MIA3: variants seen among roughly 807,000 people sequenced by gnomAD.
MIA3 encodes MIA SH3 domain ER export factor 3.
A neutral mutation model predicts 192.4 loss-of-function variants in MIA3; 90 were observed. The ratio of observed to expected loss-of-function variants is 0.47; its 90% CI spans 0.39 to 0.56. The LOEUF (loss-of-function observed/expected upper bound fraction) is 0.56. Among genes scored for constraint, MIA3 ranks in the 20% least tolerant of loss-of-function variants. The pLI, the probability that MIA3 is intolerant of heterozygous loss-of-function variation, is 0.00. For synonymous variants in MIA3, 740 were observed against 792.8 expected, an observed-to-expected ratio of 0.93 and a Z score of 1.12; for missense variants, 2,123 against 2,269.4, an observed-to-expected ratio of 0.94 and a Z score of 1.31.
intron 27 of MIA3, 39 bp from the exon 28 acceptor site, chr1:222,665,270 G>A (rs905505337): frequency 1.3e-5 from 17 of 1,344,646 alleles, no homozygotes; most frequent in African/African-American, 6.0e-5. Flanking sequence ...ATTTAAATAC[G>A]TTCCTAGGAA....
chr1:222,646,209 A>C (rs1663132661), intron 7 of MIA3: 3 of 152,486 alleles, frequency 2.0e-5, no homozygotes, highest in African/African-American at 7.2e-5. Context: ...TGAGGCCAGG[A>C]GTTCGAGACC....
chr1:222,650,744 A>G, intron 10 of MIA3, 33 bp downstream of exon 10: 1 of 1,565,386 alleles, frequency 6.4e-7, no homozygotes, highest in East Asian at 2.2e-5. Flanking sequence ...ACATTTTAAA[A>G]CAAAAGTAAA....
intron 24 of MIA3, among the ~76,000 whole-genome samples, chr1:222,661,680 A>G (rs962716717): frequency 7.9e-5 from 12 of 152,206 alleles, no homozygotes; most frequent in African/African-American, 2.9e-4. Context: ...TCCACTTGTC[A>G]TTACTATATA....
Position 222,650,627 on chromosome 1 carries a change from T to C in MIA3, c.3721-7T>C, listed in dbSNP as rs964308151. ...TTTCTGGATTCTGAATGCTTTATTT[T>C]ATATAGATCAAGGAATCAAAGAAAC... On this transcript the variant is annotated splice_polypyrimidine_tract_variant and splice_region_variant and intron_variant, in intron 9 of 27. Transcript: ENST00000344922. The C allele has an allele frequency of 1.3e-6, 2 of 1,551,146 alleles. No individual in the cohort carries two copies. Among genetic ancestry groups the C allele is most frequent in the Non-Finnish European group, 1.8e-6 (2 of 1,135,298 alleles).
chr1:222,635,579 T>C lies in MIA3; in HGVS notation c.3477+2330T>C, dbSNP rs146787010. Among the ~76,000 whole-genome samples the C allele has an allele frequency of 2.3e-3, 356 of 152,290 alleles. 4 individuals are homozygous for C. Among genetic ancestry groups the C allele is most frequent in the African/African-American group, 8.0e-3 (333 of 41,548 alleles). On this transcript the variant is annotated intron_variant, in intron 6 of 27. Coordinates refer to ENST00000344922, the MANE Select transcript of MIA3 (RefSeq NM_198551.4). ...TCAAAAAAAGTTTACCAAATACATG[T>C]GAAAATTGGAGAAAGTGGAGAATAT...
chr1:222,665,470 C>T lies in MIA3; in HGVS notation c.5575C>T (p.Arg1859Ter), dbSNP rs1664235876. Reference sequence around the variant, plus strand: ...AAGAGAGTACTTTATTCCTGGTACCCGATTACCACCCCCAACCCATGGTCC... The same window carrying T: ...AAGAGAGTACTTTATTCCTGGTACCTGATTACCACCCCCAACCCATGGTCC... ...GPREYFIPGT[R>*]LPPPTHGPQE... Residue 1859 changes from arginine to a stop codon, truncating the protein, a stop_gained, in exon 28 of 28, where the codon CGA (arginine) becomes TGA (stop). Transcript: ENST00000344922. LOFTEE classifies it low-confidence loss of function (END_TRUNC). The T allele has an allele frequency of 1.2e-6, 2 of 1,613,960 alleles. No individual in the cohort carries two copies. Among genetic ancestry groups the T allele is most frequent in the Non-Finnish European group, 1.7e-6 (2 of 1,179,986 alleles).
intron 18 of MIA3, 167 bp from the exon 19 acceptor site, chr1:222,658,555 C>T: frequency 2.1e-6 from 1 of 474,196 alleles, no homozygotes; most frequent in Non-Finnish European, 3.9e-6. Context: ...ATCAACAGGC[C>T]ACAGTTGGAT....
In MIA3 at chr1:222,630,890, G is replaced by A. The variant is rs139342960; in HGVS notation, c.3169+501G>A. Reference sequence around the variant, plus strand: ...CAGTTAAACCCTCCTGGGCCGTAAGGTTCTTGCATGCAGATTAATCAAGAT... The same window carrying A: ...CAGTTAAACCCTCCTGGGCCGTAAGATTCTTGCATGCAGATTAATCAAGAT... On this transcript the variant is annotated intron_variant, in intron 4 of 27. Transcript: ENST00000344922. Among the ~76,000 whole-genome samples the A allele has an allele frequency of 7.7e-4, 117 of 152,210 alleles. 1 individual carries two copies. In the East Asian group the frequency reaches 0.021, roughly 27 times the overall value.
At chr1:222,664,286 A>G in intron 27 of MIA3, 138 bp downstream of exon 27, 1 of 862,574 alleles carries the variant, frequency 1.2e-6, no homozygotes, top group Non-Finnish European at 1.8e-6. Context: ...ACTTTTCCCC[A>G]AGTTTCTTCA....
rs745948423 is a variant in MIA3, at chr1:222,628,968, T to C, written c.1748T>C (p.Met583Thr). The C allele has an allele frequency of 1.1e-5, 17 of 1,614,056 alleles. No homozygotes were observed. Among genetic ancestry groups the C allele is most frequent in the African/African-American group, 1.3e-5 (1 of 74,926 alleles). ...QQESLGSAPLMGDDHPNASRD... is the reference protein window; with the variant it reads ...QQESLGSAPLTGDDHPNASRD... ...GAATCCCTGGGTAGTGCACCACTCA[T>C]GGGAGATGACCACCCTAACGCATCC... Residue 583 changes from methionine to threonine, a missense_variant, in exon 4 of 28, where the codon ATG (methionine) becomes ACG (threonine). By Grantham distance (81) the Met-to-Thr change is moderately conservative (BLOSUM62 -1). Coordinates refer to ENST00000344922, the MANE Select transcript of MIA3 (RefSeq NM_198551.4).
chr1:222,658,658 G>T, intron 18 of MIA3, 64 bp from the exon 19 acceptor site: 1 of 1,093,736 alleles, frequency 9.1e-7, no homozygotes, highest in Non-Finnish European at 1.4e-6. Flanking sequence ...TTTTATTGGA[G>T]TATTCAGACA....
chr1:222,642,276 T>A (rs1174372805), intron 6 of MIA3, among the ~76,000 whole-genome samples: 1 of 152,160 alleles, frequency 6.6e-6, no homozygotes. Context: ...TTGAATGTCA[T>A]ATTTCCCTCA....
At position 222,645,708 on chromosome 1, in the gene MIA3, T is replaced by C. The variant is rs776615586; in HGVS notation, c.3609+23T>C. On this transcript the variant is annotated intron_variant, in intron 7 of 27. Coordinates refer to ENST00000344922, the MANE Select transcript of MIA3 (RefSeq NM_198551.4). ...GTTGTGAGTAAATTAATGCATACTT[T>C]AACTCATAAATTCAAGTATGGTTTT... 1.2e-5 allele frequency: 20 copies of C among 1,601,048 alleles called. No individual in the cohort carries two copies. The Admixed American group carries it at 3.4e-4, about 27-fold the overall frequency.
In MIA3 at chr1:222,621,229, A is replaced by G; in HGVS notation, c.204A>G (p.Lys68=). 1 of 1,613,992 alleles carries G rather than the reference A, an allele frequency of 6.2e-7. No homozygotes were observed. Among genetic ancestry groups the G allele is most frequent in the Non-Finnish European group, 8.5e-7 (1 of 1,179,928 alleles). ...ATTGTCGTTTTGTGAATTTTAAAAA[A>G]GGTGATCCTGTATATGTTTACTATA... ...GPDCRFVNFK[K]GDPVYVYYKL... Residue 68 remains lysine, a synonymous_variant, in exon 2 of 28, where the codon AAA becomes AAG. Transcript: ENST00000344922.
chr1:222,646,308 C>G (rs1025196700), intron 7 of MIA3, among the ~76,000 whole-genome samples: 1 of 150,918 alleles, frequency 6.6e-6, no homozygotes, highest in Admixed American at 6.6e-5. Context: ...CCCAGCTACT[C>G]GGGATGCTGA....
At chr1:222,633,057 ATTC>A (rs1329072884) in intron 5 of MIA3, 44 bp from the exon 6 acceptor site, 39 of 1,541,746 alleles carry the variant, frequency 2.5e-5, no homozygotes, top group Non-Finnish European at 3.2e-5. Flanking sequence ...TTTAAAGAGA[ATTC>A]TTATTCTAAA....
Position 222,628,718 on chromosome 1 carries a change from C to G in MIA3, c.1498C>G (p.His500Asp). Residue 500 changes from histidine (H) to aspartate (D), a missense_variant, in exon 4 of 28, where the codon CAC becomes GAC. His to Asp is a moderately conservative substitution (Grantham distance 81). Transcript: ENST00000344922. ...QEGMTVHSSV[H>D]SNNLNSMPAA... Reference sequence around the variant, plus strand: ...AGGCATGACTGTGCACAGTTCTGTTCACAGCAATAACCTCAACTCTATGCC... The same window carrying G: ...AGGCATGACTGTGCACAGTTCTGTTGACAGCAATAACCTCAACTCTATGCC... The G allele has an allele frequency of 6.2e-7, 1 of 1,614,044 alleles. No individual in the cohort carries two copies. Among genetic ancestry groups the G allele is most frequent in the Non-Finnish European group, 8.5e-7 (1 of 1,179,998 alleles).
rs570994902 is a variant in MIA3 at position 222,634,261 on chromosome 1, C to A, written c.3477+1012C>A. Among the ~76,000 whole-genome samples, 15 of 151,954 alleles carry A rather than the reference C, an allele frequency of 9.9e-5. No individual in the cohort carries two copies. The East Asian group carries it at 3.0e-3, about 30-fold the overall frequency. On this transcript the variant is annotated intron_variant, in intron 6 of 27. Coordinates refer to ENST00000344922, the MANE Select transcript of MIA3 (RefSeq NM_198551.4). ...GCTTGAGCCCGGGAGGCAGAGGTTG[C>A]AATTAGCTGAGATCGTGCCACTGCA...
chr1:222,619,282 C>G (rs1571853812), intron 1 of MIA3, among the ~76,000 whole-genome samples: 1 of 152,370 alleles, frequency 6.6e-6, no homozygotes, highest in East Asian at 1.9e-4. Context: ...CCCAGACCGT[C>G]TCAACCTTGT....
Sources: allele counts gnomAD v4.1 joint callset (sites outside exome capture counted in the v4.1 genomes callset), GRCh38; gene constraint gnomAD v4.1.1; transcripts MANE v1.5; gene names NCBI Gene and HGNC (gene_info 2026-07-23, HGNC 2026-07-21).